Variants in RAD51B observed in about 807,000 individuals in gnomAD.
RAD51B encodes RAD51 paralog B, also known as DNA repair protein RAD51 homolog 2.
In RAD51B, 38 loss-of-function variants were observed where a neutral mutation model predicts 42.2. The observed-to-expected ratio is 0.90, with a 90% CI of 0.70 to 1.18. RAD51B has a LOEUF of 1.18. RAD51B is among the 50% of genes most tolerant of loss of function. RAD51B has a pLI of 0.00. For synonymous variants in RAD51B, 154 were observed against 145.2 expected (o/e 1.06, Z -0.43); for missense variants, 373 against 400.7 (o/e 0.93, Z 0.59).
intron 10 of RAD51B, among the ~76,000 whole-genome samples, chr14:68,572,939 C>T (rs758393402): frequency 3.9e-5 from 6 of 152,126 alleles, no homozygotes; most frequent in Non-Finnish European, 8.8e-5. Context: ...CCATCTTACG[C>T]GTGAGGAGAC....
intron 8 of RAD51B, among the ~76,000 whole-genome samples, chr14:68,369,630 T>A (rs1258619257): frequency 6.6e-6 from 1 of 152,196 alleles, no homozygotes. Flanking sequence ...TTCAAATAGG[T>A]GCCATATCTT....
chr14:68,552,415 A>ACT (rs549522196), intron 10 of RAD51B, among the ~76,000 whole-genome samples: 19 of 151,212 alleles, frequency 1.3e-4, no homozygotes, highest in African/African-American at 4.4e-4. Flanking sequence ...ACAATCAAAA[A>ACT]CTCCCCCAAA....
At chr14:68,420,056 A>C (rs1323270976) in intron 9 of RAD51B, among the ~76,000 whole-genome samples, 1 of 152,094 alleles carries the variant, frequency 6.6e-6, no homozygotes, top group Non-Finnish European at 1.5e-5. Context: ...TCCTCCAATA[A>C]CCCTTCAGCA....
intron 7 of RAD51B, among the ~76,000 whole-genome samples, chr14:68,042,586 C>A (rs140909684): frequency 6.6e-6 from 1 of 152,214 alleles, no homozygotes; most frequent in African/African-American, 2.4e-5. Context: ...CTTTCTGCCA[C>A]ATATTTTTGT....
intron 11 of RAD51B, among the ~76,000 whole-genome samples, chr14:68,655,748 G>A (rs1892803105): frequency 6.6e-6 from 1 of 152,230 alleles, no homozygotes; most frequent in African/African-American, 2.4e-5. Context: ...TGGCCAAGAG[G>A]GCAGGGAGGA....
At chr14:68,143,030 G>A (rs77283772) in intron 7 of RAD51B, among the ~76,000 whole-genome samples, 7,146 of 148,936 alleles carry the variant, frequency 0.048, 487 homozygotes, top group African/African-American at 0.16. Context: ...TGGGGGGGGA[G>A]TTATTATGCT....
At chr14:68,251,158 G>C (rs948429778) in intron 7 of RAD51B, among the ~76,000 whole-genome samples, 3 of 151,814 alleles carry the variant, frequency 2.0e-5, no homozygotes, top group African/African-American at 7.3e-5. Context: ...GGGAAAAAAA[G>C]AAGTGATTCA....
intron 11 of RAD51B, among the ~76,000 whole-genome samples, chr14:68,671,027 C>G (rs977451074): frequency 6.6e-6 from 1 of 152,188 alleles, no homozygotes; most frequent in Non-Finnish European, 1.5e-5. Flanking sequence ...CTGGCCCCCC[C>G]AAGATGGTAG....
At position 68,588,576 on chromosome 14, in the gene RAD51B, G is replaced by A. The variant is rs10150489; in HGVS notation, c.1037-5909G>A. Among the ~76,000 whole-genome samples, 499 of 152,264 alleles carry A rather than the reference G, an allele frequency of 3.3e-3. 4 individuals carry two copies. The highest frequency in any genetic ancestry group is 0.011 in the African/African-American group (463 of 41,544). On this transcript the variant is annotated intron_variant, in intron 10 of 10. Coordinates refer to the RAD51B transcript ENST00000487270. ...ATGGGTGAAGGAACTGAATGAATGC[G>A]GTCTGGCAGGGTCAGTTCTGGGGAC...
At chr14:68,270,094 T>C (rs939248225) in intron 7 of RAD51B, among the ~76,000 whole-genome samples, 1 of 152,262 alleles carries the variant, frequency 6.6e-6, no homozygotes, top group African/African-American at 2.4e-5. Flanking sequence ...AACTTTGCGA[T>C]AACTTTGCAA....
chr14:67,930,846 A>G (rs1194284809), intron 7 of RAD51B, among the ~76,000 whole-genome samples: 1 of 150,758 alleles, frequency 6.6e-6, no homozygotes, highest in African/African-American at 2.4e-5. Context: ...GGTTTCCCAT[A>G]TATCATGACG....
In RAD51B at chr14:68,562,725, A is replaced by G. The variant is rs528713910; in HGVS notation, c.1037-31760A>G. The G allele has an allele frequency of 9.2e-5, 91 of 985,396 alleles. No homozygotes were observed. The African/African-American group carries it at 1.6e-3, about 17-fold the overall frequency. The allele number at this position is 985,396 out of a possible 1,614,324, so 61.0% of individuals were successfully genotyped here. A position where few individuals can be genotyped will look rare whatever the true frequency, so the allele number is the denominator to read the frequency against. ...AGTGGCCATTTGTTTCCCCACAGCTATTCATCCCCCTGGTGCCCTCATCAC... is the reference window on the plus strand; with the variant it reads ...AGTGGCCATTTGTTTCCCCACAGCTGTTCATCCCCCTGGTGCCCTCATCAC... On this transcript the variant is annotated intron_variant, in intron 10 of 10. Transcript: ENST00000487270.
chr14:68,674,168 C>T (rs1210560192), intron 11 of RAD51B, among the ~76,000 whole-genome samples: 2 of 107,844 alleles, frequency 1.9e-5, no homozygotes, highest in Non-Finnish European at 3.7e-5. Flanking sequence ...TATATACACA[C>T]ATACTGTATA....
At chr14:68,488,356 C>T (rs1883802931) in intron 10 of RAD51B, among the ~76,000 whole-genome samples, 2 of 152,014 alleles carry the variant, frequency 1.3e-5, no homozygotes, top group Non-Finnish European at 2.9e-5. Context: ...TAAAGGGGCA[C>T]CAGTTACTGA....
chr14:68,189,917 T>C (rs1322819186), intron 7 of RAD51B, among the ~76,000 whole-genome samples: 1 of 152,094 alleles, frequency 6.6e-6, no homozygotes, highest in Non-Finnish European at 1.5e-5. Context: ...CCACCTGCCT[T>C]AGCCTCCCAA....
intron 7 of RAD51B, among the ~76,000 whole-genome samples, chr14:68,101,152 A>C (rs917523099): frequency 6.6e-6 from 1 of 152,136 alleles, no homozygotes; most frequent in East Asian, 1.9e-4. Flanking sequence ...CCAAGATTCA[A>C]TTACCTCCCA....
At chr14:68,391,317 G>A (rs1008712372) in intron 8 of RAD51B, among the ~76,000 whole-genome samples, 1 of 151,898 alleles carries the variant, frequency 6.6e-6, no homozygotes, top group East Asian at 1.9e-4. Flanking sequence ...TTTAGTATGC[G>A]GAGATGCTGA....
At position 68,082,476 on chromosome 14, in the gene RAD51B, T is replaced by C. The variant is rs1215526985; in HGVS notation, c.756+195272T>C. ...ATTTGATATGCATAGGAGAAAGATA[T>C]ATATATATATATGTATTTATGTATG... On this transcript the variant is annotated intron_variant, in intron 7 of 10. Transcript: ENST00000471583. Among the ~76,000 whole-genome samples the C allele has an allele frequency of 9.3e-5, 14 of 150,422 alleles. No homozygotes were observed. In the East Asian group the frequency reaches 2.5e-3, roughly 27 times the overall value.
chr14:68,423,393 A>G (rs9323508), intron 9 of RAD51B, among the ~76,000 whole-genome samples: 80,062 of 151,928 alleles, frequency 0.53, 21,592 homozygotes, highest in African/African-American at 0.61. Context: ...TCTACTTTGT[A>G]CCAGTTATTC....
Sources: allele counts gnomAD v4.1 joint callset (sites outside exome capture counted in the v4.1 genomes callset), GRCh38; gene constraint gnomAD v4.1.1; transcripts MANE v1.5; gene names NCBI Gene and HGNC (gene_info 2026-07-23, HGNC 2026-07-21).